The following PARD3B variants were observed in gnomAD, a reference collection of about 807,000 sequenced individuals.
The protein encoded by PARD3B is partitioning defective 3 homolog B.
PARD3B carries 103 observed loss-of-function variants against 130.2 expected under a neutral mutation model. That is an observed-to-expected ratio of 0.79 (90% CI 0.67 to 0.93). The LOEUF (loss-of-function observed/expected upper bound fraction) is 0.93. PARD3B is among the 40% of genes least tolerant of loss of function. PARD3B has a pLI of 0.00. For missense variants in PARD3B, 1,609 were observed against 1,499.2 expected (o/e 1.07, Z -1.21); for synonymous variants, 583 against 553.2 (o/e 1.05, Z -0.76).
At chr2:204,825,439 G>GC (rs2043530172) in intron 2 of PARD3B, among the ~76,000 whole-genome samples, 1 of 152,156 alleles carries the variant, frequency 6.6e-6, no homozygotes, top group South Asian at 2.1e-4. Flanking sequence ...GACAGTGCTT[G>GC]CAGGATTTGA....
intron 3 of PARD3B, among the ~76,000 whole-genome samples, chr2:205,019,805 A>C (rs1039804824): frequency 2.0e-5 from 3 of 152,196 alleles, no homozygotes; most frequent in Non-Finnish European, 4.4e-5. Context: ...AGAAAGGAGA[A>C]AAAGATATTA....
At chr2:204,936,153 C>T (rs922618320) in intron 2 of PARD3B, among the ~76,000 whole-genome samples, 4 of 152,202 alleles carry the variant, frequency 2.6e-5, no homozygotes, top group East Asian at 1.9e-4. Flanking sequence ...AGTTTTACTC[C>T]GCAGCCAGGA....
rs116522862 is a variant in PARD3B, at chr2:205,097,929, G to A, written c.505-6497G>A. On this transcript the variant is annotated intron_variant, in intron 4 of 22. Coordinates refer to ENST00000406610, the MANE Select transcript of PARD3B (RefSeq NM_001302769.2). ...ATGGTATCTTTGAAGTCAACTGAGA[G>A]ATTTCCAATGGCAAGGCATTTCCAA... is the stretch of plus-strand genomic sequence containing the variant. 4.7e-3 allele frequency among the ~76,000 whole-genome samples: 722 copies of A among 152,020 alleles called. 7 individuals carry two copies. Among genetic ancestry groups the A allele is most frequent in the African/African-American group, 0.016 (684 of 41,464 alleles).
At chr2:205,020,233 A>G (rs1696492007) in intron 3 of PARD3B, among the ~76,000 whole-genome samples, 1 of 152,124 alleles carries the variant, frequency 6.6e-6, no homozygotes, top group Non-Finnish European at 1.5e-5. Flanking sequence ...GACCTCTTGG[A>G]CGATGTTAAC....
intron 2 of PARD3B, among the ~76,000 whole-genome samples, chr2:204,863,793 CAG>C (rs1313202366): frequency 2.0e-5 from 3 of 152,176 alleles, no homozygotes; most frequent in African/African-American, 7.2e-5. Flanking sequence ...TGACAAAAGA[CAG>C]AGAGTATTCC....
intron 2 of PARD3B, among the ~76,000 whole-genome samples, chr2:204,692,702 T>TAGA (rs1011435470): frequency 2.0e-5 from 3 of 152,014 alleles, no homozygotes; most frequent in Non-Finnish European, 4.4e-5. Context: ...CAAAAGCACA[T>TAGA]AGAAGAAGTT....
chr2:204,866,034 A>G (rs1266440923), intron 2 of PARD3B, among the ~76,000 whole-genome samples: 2 of 152,072 alleles, frequency 1.3e-5, no homozygotes, highest in African/African-American at 4.8e-5. Context: ...ATTCATCCTC[A>G]TTGTGTACCT....
intron 3 of PARD3B, among the ~76,000 whole-genome samples, chr2:205,030,377 T>C (rs147788211): frequency 2.3e-4 from 35 of 152,282 alleles, no homozygotes; most frequent in African/African-American, 8.4e-4. Context: ...ATCTTTGTCA[T>C]TTAGAATTGA....
At chr2:205,012,676 C>T (rs1288529483) in intron 3 of PARD3B, among the ~76,000 whole-genome samples, 1 of 152,208 alleles carries the variant, frequency 6.6e-6, no homozygotes, top group Non-Finnish European at 1.5e-5. Context: ...CATACAACCG[C>T]ATTAAAGAGA....
intron 19 of PARD3B, among the ~76,000 whole-genome samples, chr2:205,430,359 C>T (rs1048144823): frequency 6.6e-6 from 1 of 152,186 alleles, no homozygotes; most frequent in Non-Finnish European, 1.5e-5. Flanking sequence ...CCAGAGTACT[C>T]CTCCTCAAAA....
At chr2:205,598,286 G>A (rs1156371445) in intron 22 of PARD3B, among the ~76,000 whole-genome samples, 2 of 151,934 alleles carry the variant, frequency 1.3e-5, no homozygotes. Flanking sequence ...TCTTGCAAAT[G>A]GAAAACAGAA....
intron 22 of PARD3B, among the ~76,000 whole-genome samples, chr2:205,594,620 T>C (rs987227838): frequency 1.3e-5 from 2 of 152,084 alleles, no homozygotes; most frequent in African/African-American, 2.4e-5. Flanking sequence ...GACCATGACC[T>C]CCAAGGAAGG....
intron 3 of PARD3B, among the ~76,000 whole-genome samples, chr2:204,993,772 A>G (rs1480567624): frequency 1.3e-5 from 2 of 148,616 alleles, no homozygotes; most frequent in South Asian, 4.3e-4. Context: ...TTATTGGTCT[A>G]TTCAGAGATT....
rs191697639 is a variant in PARD3B, at chr2:204,716,349, G to A, written c.222+30067G>A. Among the ~76,000 whole-genome samples, 3 of 152,110 alleles carry A rather than the reference G, an allele frequency of 2.0e-5. No individual in the cohort carries two copies. The East Asian group carries it at 5.8e-4, about 30-fold the overall frequency. The stretch of plus-strand genomic sequence containing the variant: ...CTCTGGACCTACCAAATCAGAATCT[G>A]CATTGTAACAATAACCCTAGCGATT... On this transcript the variant is annotated intron_variant, in intron 2 of 22. Coordinates refer to ENST00000406610, the MANE Select transcript of PARD3B (RefSeq NM_001302769.2).
intron 20 of PARD3B, among the ~76,000 whole-genome samples, chr2:205,481,415 T>G (rs1056694234): frequency 6.6e-6 from 1 of 152,042 alleles, no homozygotes; most frequent in African/African-American, 2.4e-5. Flanking sequence ...GTTGCATCTT[T>G]GGAAGGCTAA....
intron 1 of PARD3B, among the ~76,000 whole-genome samples, chr2:204,634,761 A>G (rs10804143): frequency 0.56 from 84,771 of 152,032 alleles, 26,716 homozygotes; most frequent in Non-Finnish European, 0.7. Flanking sequence ...CAAGAATTGC[A>G]TAATATAGTT....
At chr2:205,003,686 C>T (rs1695032553) in intron 3 of PARD3B, among the ~76,000 whole-genome samples, 1 of 152,218 alleles carries the variant, frequency 6.6e-6, no homozygotes, top group Admixed American at 6.5e-5. Context: ...GTAACATAAG[C>T]TCTTGCAGAG....
chr2:205,220,814 G>A (rs529155893), intron 15 of PARD3B, among the ~76,000 whole-genome samples: 3 of 152,196 alleles, frequency 2.0e-5, no homozygotes, highest in African/African-American at 7.2e-5. Context: ...TAGCACCACA[G>A]TATGGAAAAG....
At chr2:204,824,297 T>C (rs1180779146) in intron 2 of PARD3B, among the ~76,000 whole-genome samples, 1 of 152,284 alleles carries the variant, frequency 6.6e-6, no homozygotes, top group African/African-American at 2.4e-5. Context: ...TATTTTTATC[T>C]TGGAGCCTCT....
Sources: allele counts gnomAD v4.1 joint callset (sites outside exome capture counted in the v4.1 genomes callset), GRCh38; gene constraint gnomAD v4.1.1; transcripts MANE v1.5; gene names NCBI Gene and HGNC (gene_info 2026-07-23, HGNC 2026-07-21).